The following MAML2 variants were observed in gnomAD, a reference collection of about 807,000 sequenced individuals.
MAML2 encodes the protein mastermind like transcriptional coactivator 2, also known as mastermind-like protein 2.
In MAML2, 22 loss-of-function variants were observed where a neutral mutation model predicts 96.1. The ratio of observed to expected loss-of-function variants is 0.23; its 90% CI spans 0.16 to 0.33. The LOEUF is 0.33. MAML2 is among the 10% of genes least tolerant of loss of function. The pLI is 1.00. For missense variants in MAML2, 1,367 were observed against 1,392.4 expected (o/e 0.98, Z 0.29); for synonymous variants, 561 against 521.3 (o/e 1.08, Z -1.04).
At chr11:96,172,219 C>T (rs911817016) in intron 1 of MAML2, among the ~76,000 whole-genome samples, 2 of 152,214 alleles carry the variant, frequency 1.3e-5, no homozygotes, top group Non-Finnish European at 2.9e-5. Flanking sequence ...TCATTGCAGG[C>T]CATTCTCCCT....
At chr11:96,252,000 G>A (rs891944253) in intron 1 of MAML2, among the ~76,000 whole-genome samples, 1 of 152,102 alleles carries the variant, frequency 6.6e-6, no homozygotes, top group Non-Finnish European at 1.5e-5. Context: ...CCAAAGTGCT[G>A]GGATTACAGG....
At chr11:96,201,882 A>G (rs692936) in intron 1 of MAML2, among the ~76,000 whole-genome samples, 122,966 of 151,078 alleles carry the variant, frequency 0.81, 50,285 homozygotes, top group Middle Eastern at 0.84. Context: ...TCATGCCACC[A>G]CACTCCAGCC....
intron 1 of MAML2, among the ~76,000 whole-genome samples, chr11:96,180,372 G>A (rs1861464137): frequency 6.6e-6 from 1 of 152,158 alleles, no homozygotes; most frequent in African/African-American, 2.4e-5. Flanking sequence ...TGACTTCCAA[G>A]GCTAGGTTAT....
chr11:96,266,500 G>A (rs556368558), intron 1 of MAML2, among the ~76,000 whole-genome samples: 3 of 151,992 alleles, frequency 2.0e-5, no homozygotes, highest in Non-Finnish European at 2.9e-5. Flanking sequence ...GAACCCAGGA[G>A]GCGGAGCTTG....
chr11:96,011,930 T>A (rs1426445582), intron 2 of MAML2, among the ~76,000 whole-genome samples: 1 of 152,236 alleles, frequency 6.6e-6, no homozygotes, highest in Non-Finnish European at 1.5e-5. Context: ...AAAATTTTGA[T>A]TCTTGAATAT....
chr11:96,204,067 C>G (rs906001470), intron 1 of MAML2, among the ~76,000 whole-genome samples: 2 of 151,774 alleles, frequency 1.3e-5, no homozygotes, highest in African/African-American at 4.8e-5. Context: ...CATCCCTAGG[C>G]CTGAAGGACT....
chr11:96,202,109 G>A (rs138503817), intron 1 of MAML2, among the ~76,000 whole-genome samples: 1,932 of 147,352 alleles, frequency 0.013, 52 homozygotes, highest in African/African-American at 0.046. Flanking sequence ...CGAGGCAGGC[G>A]CATCATGAGG....
chr11:96,168,797 T>C (rs1448508938), intron 1 of MAML2, among the ~76,000 whole-genome samples: 4 of 152,148 alleles, frequency 2.6e-5, no homozygotes, highest in Non-Finnish European at 5.9e-5. Context: ...GTACATAAAA[T>C]TCACTATGCT....
At chr11:96,318,196 CT>C (rs1322220551) in intron 1 of MAML2, among the ~76,000 whole-genome samples, 5 of 152,160 alleles carry the variant, frequency 3.3e-5, no homozygotes, top group Non-Finnish European at 4.4e-5. Context: ...GTAATAAATG[CT>C]TTAGGTCATT....
intron 1 of MAML2, among the ~76,000 whole-genome samples, chr11:96,306,563 A>T (rs1355867980): frequency 6.6e-6 from 1 of 152,228 alleles, no homozygotes; most frequent in East Asian, 1.9e-4. Flanking sequence ...TTAGACAACG[A>T]CTGAACATCT....
At chr11:96,336,763 C>T (rs1051182645) in intron 1 of MAML2, among the ~76,000 whole-genome samples, 1 of 152,142 alleles carries the variant, frequency 6.6e-6, no homozygotes, top group Non-Finnish European at 1.5e-5. Flanking sequence ...ATTATGGCCA[C>T]TCTTTTAGTC....
rs1046200805 is a variant in MAML2 at position 96,069,800 on chromosome 11, G to A, written c.2139+22092C>T. ...AGCACTTTGGGAGGCCGAGGCGGGC[G>A]GATCACAAGGTCAAGAGATGGAGAC... On this transcript the variant is annotated intron_variant, in intron 2 of 4. Coordinates refer to ENST00000524717, the MANE Select transcript of MAML2 (RefSeq NM_032427.4). Among the ~76,000 whole-genome samples the A allele has an allele frequency of 3.5e-4, 54 of 152,122 alleles. 1 individual carries two copies. Among genetic ancestry groups the A allele is most frequent in the South Asian group, 2.7e-3 (13 of 4,806 alleles).
intron 1 of MAML2, among the ~76,000 whole-genome samples, chr11:96,128,765 G>A (rs1411297595): frequency 1.3e-5 from 2 of 152,142 alleles, no homozygotes; most frequent in African/African-American, 4.8e-5. Context: ...TCATCACAGG[G>A]CAAAATGGCA....
At chr11:96,101,585 C>T (rs1859931759) in intron 1 of MAML2, among the ~76,000 whole-genome samples, 1 of 152,172 alleles carries the variant, frequency 6.6e-6, no homozygotes, top group Non-Finnish European at 1.5e-5. Context: ...CTTACCTTAC[C>T]TGTATGATAT....
At chr11:96,233,635 C>T (rs578253099) in intron 1 of MAML2, among the ~76,000 whole-genome samples, 5 of 152,256 alleles carry the variant, frequency 3.3e-5, no homozygotes, top group African/African-American at 9.6e-5. Context: ...TCTCAAACTC[C>T]TAGTTTCAAG....
chr11:96,281,355 G>T (rs1444426991), intron 1 of MAML2, among the ~76,000 whole-genome samples: 1 of 152,096 alleles, frequency 6.6e-6, no homozygotes, highest in Non-Finnish European at 1.5e-5. Context: ...GAGTGCTAGT[G>T]TTGCCGCTAG....
chr11:96,062,522 A>C (rs78649780), intron 2 of MAML2, among the ~76,000 whole-genome samples: 1 of 152,236 alleles, frequency 6.6e-6, no homozygotes, highest in African/African-American at 2.4e-5. Flanking sequence ...TAGGGGCTAC[A>C]ATAAGGGTGG....
intron 1 of MAML2, among the ~76,000 whole-genome samples, chr11:96,217,797 C>T (rs767226875): frequency 6.6e-6 from 1 of 152,218 alleles, no homozygotes; most frequent in Non-Finnish European, 1.5e-5. Context: ...TTAGCATCAT[C>T]GTCTTGACCA....
chr11:96,247,239 A>C (rs1862524624), intron 1 of MAML2, among the ~76,000 whole-genome samples: 1 of 152,144 alleles, frequency 6.6e-6, no homozygotes, highest in Non-Finnish European at 1.5e-5. Flanking sequence ...ACCTTCAGAA[A>C]TAGTTTGATC....
Sources: gnomAD v4.1 joint callset for allele counts (sites outside exome capture counted in the v4.1 genomes callset) on GRCh38, gnomAD v4.1.1 for gene constraint, MANE v1.5 for transcripts, NCBI Gene and HGNC (gene_info 2026-07-23, HGNC 2026-07-21) for gene names.